The following NEGR1 variants were observed in gnomAD, a reference collection of about 807,000 sequenced individuals.
NEGR1 encodes the protein IgLON family member 4.
A neutral mutation model predicts 40.9 loss-of-function variants in NEGR1; 10 were observed. The ratio of observed to expected loss-of-function variants is 0.24; its 90% CI spans 0.15 to 0.42. NEGR1 has a LOEUF of 0.42. NEGR1 is among the 10% of genes least tolerant of loss of function. The pLI is 1.00. For synonymous variants in NEGR1, 185 were observed against 166.8 expected (o/e 1.11, Z -0.84); for missense variants, 352 against 438.9 (o/e 0.80, Z 1.77).
chr1:71,719,733 C>T (rs766105101), intron 3 of NEGR1, among the ~76,000 whole-genome samples: 1 of 152,000 alleles, frequency 6.6e-6, no homozygotes, highest in Non-Finnish European at 1.5e-5. Flanking sequence ...CCCATCAACT[C>T]GTCATTTACA....
chr1:71,730,333 G>A (rs1400514340), intron 3 of NEGR1, among the ~76,000 whole-genome samples: 1 of 151,888 alleles, frequency 6.6e-6, no homozygotes, highest in Admixed American at 6.6e-5. Context: ...AGAGACCATA[G>A]AAATAGGTCT....
chr1:71,943,373 A>C (rs34672665), intron 1 of NEGR1, among the ~76,000 whole-genome samples: 17,735 of 150,880 alleles, frequency 0.12, 1,137 homozygotes, highest in Middle Eastern at 0.21. Flanking sequence ...ATAACATTTT[A>C]AATGCCTGGG....
intron 5 of NEGR1, among the ~76,000 whole-genome samples, chr1:71,603,652 A>G (rs1649992156): frequency 6.6e-6 from 1 of 152,192 alleles, no homozygotes; most frequent in Non-Finnish European, 1.5e-5. Context: ...TCAAACTACC[A>G]TACTTTACAA....
chr1:71,537,120 C>T (rs945173888), intron 6 of NEGR1, among the ~76,000 whole-genome samples: 2 of 151,652 alleles, frequency 1.3e-5, no homozygotes, highest in Non-Finnish European at 3.0e-5. Context: ...GTAACAAACA[C>T]AGTCCTAAAT....
intron 6 of NEGR1, among the ~76,000 whole-genome samples, chr1:71,420,651 C>T (rs998972916): frequency 1.3e-5 from 2 of 151,900 alleles, no homozygotes; most frequent in African/African-American, 2.4e-5. Flanking sequence ...AGGCTTATGT[C>T]GTTTTATAGC....
At chr1:72,161,732 T>G (rs1651572615) in intron 1 of NEGR1, among the ~76,000 whole-genome samples, 1 of 146,418 alleles carries the variant, frequency 6.8e-6, no homozygotes, top group South Asian at 2.2e-4. Flanking sequence ...CAGGCTGGTG[T>G]GCAGTGGCAG....
chr1:72,184,899 T>C (rs944898237), intron 1 of NEGR1, among the ~76,000 whole-genome samples: 1 of 152,042 alleles, frequency 6.6e-6, no homozygotes, highest in African/African-American at 2.4e-5. Flanking sequence ...TGAGAGAACA[T>C]GAAAAAGTGT....
intron 6 of NEGR1, among the ~76,000 whole-genome samples, chr1:71,555,668 A>G (rs1648230385): frequency 6.6e-6 from 1 of 151,678 alleles, no homozygotes; most frequent in African/African-American, 2.4e-5. Context: ...GTCACTCGTG[A>G]ACATAAGGTC....
intron 2 of NEGR1, among the ~76,000 whole-genome samples, chr1:71,855,895 A>G (rs1244379623): frequency 6.6e-6 from 1 of 152,080 alleles, no homozygotes; most frequent in African/African-American, 2.4e-5. Flanking sequence ...ATATATAATT[A>G]TGGACCGTGA....
intron 2 of NEGR1, among the ~76,000 whole-genome samples, chr1:71,800,608 A>G (rs1657519393): frequency 1.3e-5 from 2 of 152,034 alleles, no homozygotes; most frequent in South Asian, 4.1e-4. Context: ...TTCCACTTTC[A>G]ATCAAAATTA....
At position 71,907,941 on chromosome 1, in the gene NEGR1, A is replaced by G. The variant is rs1438993162; in HGVS notation, c.409+27138T>C. 2.0e-5 allele frequency among the ~76,000 whole-genome samples: 3 copies of G among 152,244 alleles called. No individual in the cohort carries two copies. In the East Asian group the frequency reaches 5.8e-4, roughly 29 times the overall value. ...CTACATGTTCTCACTTACAAGTGGG[A>G]GCTAAATATTTGGCACTCATGGACA... is the stretch of plus-strand genomic sequence containing the variant. On this transcript the variant is annotated intron_variant, in intron 2 of 6. Coordinates refer to ENST00000357731, the MANE Select transcript of NEGR1 (RefSeq NM_173808.3).
intron 4 of NEGR1, among the ~76,000 whole-genome samples, chr1:71,652,829 A>C (rs1651760835): frequency 1.3e-5 from 2 of 152,036 alleles, no homozygotes; most frequent in Admixed American, 6.6e-5. Context: ...ATACTACTGC[A>C]TTCCAGGCTG....
At chr1:71,431,533 A>G (rs974185928) in intron 6 of NEGR1, among the ~76,000 whole-genome samples, 1 of 22,640 alleles carries the variant, frequency 4.4e-5, no homozygotes. Flanking sequence ...TATTTATCCA[A>G]TCATCCATCC....
intron 2 of NEGR1, among the ~76,000 whole-genome samples, chr1:71,869,047 T>C (rs971950834): frequency 2.6e-5 from 4 of 152,202 alleles, no homozygotes; most frequent in Non-Finnish European, 5.9e-5. Context: ...ATGCTCTGTG[T>C]TTCCTACACT....
chr1:71,989,999 TACA>T (rs1357922727), intron 1 of NEGR1, among the ~76,000 whole-genome samples: 2 of 152,212 alleles, frequency 1.3e-5, no homozygotes, highest in Non-Finnish European at 1.5e-5. Context: ...TTGGACCATG[TACA>T]ACAAGGATGC....
chr1:71,551,947 TTTC>T (rs1281681223), intron 6 of NEGR1, among the ~76,000 whole-genome samples: 3 of 151,544 alleles, frequency 2.0e-5, no homozygotes, highest in East Asian at 2.0e-4. Flanking sequence ...AATAGTCTTT[TTTC>T]TTCTTCTTCT....
intron 1 of NEGR1, among the ~76,000 whole-genome samples, chr1:72,223,243 A>AT (rs1301322265): frequency 2.6e-5 from 4 of 152,246 alleles, no homozygotes; most frequent in Non-Finnish European, 2.9e-5. Flanking sequence ...TTCCATGAGC[A>AT]TTTTTGCATT....
intron 1 of NEGR1, chr1:72,274,926 C>A (rs535378178): frequency 6.4e-7 from 1 of 1,562,036 alleles, no homozygotes; most frequent in Non-Finnish European, 8.8e-7. Context: ...CAGATATCTA[C>A]GTCTGCATGA....
intron 1 of NEGR1, among the ~76,000 whole-genome samples, chr1:72,194,446 C>T (rs1246238822): frequency 1.3e-5 from 2 of 151,942 alleles, no homozygotes; most frequent in Non-Finnish European, 2.9e-5. Context: ...GAGTGAAAGT[C>T]CACAGCAAAC....
Sources: gnomAD v4.1 joint callset for allele counts (sites outside exome capture counted in the v4.1 genomes callset) on GRCh38, gnomAD v4.1.1 for gene constraint, MANE v1.5 for transcripts, NCBI Gene and HGNC (gene_info 2026-07-23, HGNC 2026-07-21) for gene names.